The following CYTH3 variants were observed in gnomAD, a reference collection of about 807,000 sequenced individuals.
CYTH3 encodes the protein cytohesin-3.
In CYTH3, 23 loss-of-function variants were observed where a neutral mutation model predicts 55.1. That is an observed-to-expected ratio of 0.42 (90% CI 0.30 to 0.59). The LOEUF (loss-of-function observed/expected upper bound fraction) is 0.59, where lower values mean the gene tolerates loss of function less well. Ranked by LOEUF, CYTH3 falls within the 20% of genes least tolerant of loss-of-function variation. The pLI, the probability that CYTH3 is intolerant of heterozygous loss-of-function variation, is 0.20. For synonymous variants in CYTH3, 249 were observed against 194.9 expected, an observed-to-expected ratio of 1.28 and a Z score of -2.31; for missense variants, 413 against 524.8, an observed-to-expected ratio of 0.79 and a Z score of 2.08.
At chr7:6,266,385 A>T (rs1297203147) in intron 1 of CYTH3, among the ~76,000 whole-genome samples, 1 of 152,210 alleles carries the variant, frequency 6.6e-6, no homozygotes, top group Non-Finnish European at 1.5e-5. Flanking sequence ...ATAAATTAAG[A>T]CGCAGAAAGT....
In CYTH3 at chr7:6,179,267, G is replaced by A. The variant is rs940739159; in HGVS notation, c.250-1326C>T. Among the ~76,000 whole-genome samples the A allele has an allele frequency of 2.6e-5, 4 of 152,148 alleles. No individual in the cohort carries two copies. In the East Asian group the frequency reaches 5.8e-4, roughly 22 times the overall value. ...ATATGGAGCAAAAGACGACACGGAA[G>A]AGTATTTCAGTTCCATTCACAGAAG... On this transcript the variant is annotated intron_variant, in intron 4 of 12. Transcript: ENST00000350796.
intron 2 of CYTH3, among the ~76,000 whole-genome samples, chr7:6,190,164 C>T (rs572908386): frequency 8.5e-5 from 13 of 152,308 alleles, no homozygotes; most frequent in African/African-American, 2.6e-4. Context: ...GCCTGTGGCC[C>T]TGGGTTTGCG....
chr7:6,230,222 G>A (rs1429030504), intron 1 of CYTH3, among the ~76,000 whole-genome samples: 4 of 152,196 alleles, frequency 2.6e-5, no homozygotes, highest in Non-Finnish European at 4.4e-5. Context: ...CAGTCCGAAT[G>A]GAAAGTGATG....
chr7:6,272,539 G>A lies in CYTH3; in HGVS notation c.-32C>T. On this transcript the variant is annotated 5_prime_UTR_variant, in exon 1 of 13. Coordinates refer to ENST00000350796, the MANE Select transcript of CYTH3 (RefSeq NM_004227.4). ...GCCACTCCCGCAGCCGGCGAGCCGG[G>A]GGCCGGCAGCAGAGGGGCCGCGGGC... 3.8e-6 allele frequency: 5 copies of A among 1,311,776 alleles called. No homozygotes were observed. The highest frequency in any genetic ancestry group is 4.9e-6 in the Non-Finnish European group (5 of 1,018,110). 81.3% of individuals were successfully genotyped at this position (1,311,776 alleles called of 1,614,324 possible). A position where few individuals can be genotyped will look rare whatever the true frequency, so the allele number is the denominator to read the frequency against.
At position 6,196,062 on chromosome 7, in the gene CYTH3, C is replaced by T. The variant is rs566193782; in HGVS notation, c.35-5531G>A. 3.9e-5 allele frequency among the ~76,000 whole-genome samples: 6 copies of T among 152,284 alleles called. No individual in the cohort carries two copies. The East Asian group carries it at 9.6e-4, about 24-fold the overall frequency. ...AAGTCTGTCTCTTTCTCGCTCTAGGCTTCCCCCAGCAACTGAAACTACATG... is the reference window on the plus strand; with the variant it reads ...AAGTCTGTCTCTTTCTCGCTCTAGGTTTCCCCCAGCAACTGAAACTACATG... On this transcript the variant is annotated intron_variant, in intron 1 of 12. Transcript: ENST00000350796.
At chr7:6,202,690 C>A (rs1225956475) in intron 1 of CYTH3, among the ~76,000 whole-genome samples, 1 of 151,918 alleles carries the variant, frequency 6.6e-6, no homozygotes, top group Non-Finnish European at 1.5e-5. Context: ...AACTCCCGAC[C>A]TGAGGTGATC....
intron 2 of CYTH3, 146 bp from the exon 3 acceptor site, chr7:6,187,867 A>G (rs984069983): frequency 1.3e-5 from 9 of 693,636 alleles, no homozygotes; most frequent in Admixed American, 1.1e-4. Context: ...TATTATCAAT[A>G]CAGCTAGAGC....
chr7:6,229,970 A>G (rs1333225658), intron 1 of CYTH3, among the ~76,000 whole-genome samples: 4 of 152,044 alleles, frequency 2.6e-5, no homozygotes, highest in African/African-American at 9.7e-5. Flanking sequence ...ACCTGTCTCC[A>G]CTAAAAATAC....
intron 1 of CYTH3, among the ~76,000 whole-genome samples, chr7:6,248,240 C>A (rs548925057): frequency 2.7e-4 from 40 of 150,162 alleles, no homozygotes; most frequent in African/African-American, 3.7e-4. Context: ...CCCAACCCCC[C>A]CCCAGCCAAA....
At chr7:6,174,700 A>T (rs1026228673) in intron 5 of CYTH3, among the ~76,000 whole-genome samples, 2 of 152,014 alleles carry the variant, frequency 1.3e-5, no homozygotes, top group Admixed American at 1.3e-4. Context: ...GGCACCCGCC[A>T]GCACGCCTGG....
chr7:6,218,210 G>A (rs1013660109), intron 1 of CYTH3, among the ~76,000 whole-genome samples: 1 of 152,086 alleles, frequency 6.6e-6, no homozygotes, highest in African/African-American at 2.4e-5. Flanking sequence ...CAATGGAGAT[G>A]ATTATCCTGG....
At chr7:6,222,684 T>C (rs990739022) in intron 1 of CYTH3, among the ~76,000 whole-genome samples, 4 of 150,706 alleles carry the variant, frequency 2.7e-5, no homozygotes, top group Admixed American at 6.6e-5. Flanking sequence ...GAGGCAGAGG[T>C]TGCGGTGAGC....
intron 1 of CYTH3, among the ~76,000 whole-genome samples, chr7:6,252,714 A>G (rs10255944): frequency 0.051 from 7,818 of 152,284 alleles, 455 homozygotes; most frequent in African/African-American, 0.13. Flanking sequence ...AGGGAAGAAG[A>G]AAAAGATGCA....
intron 3 of CYTH3, 74 bp downstream of exon 3, chr7:6,187,583 C>G (rs1783686957): frequency 7.4e-7 from 1 of 1,350,508 alleles, no homozygotes; most frequent in African/African-American, 1.4e-5. Context: ...ACCCCACTTT[C>G]TGCAAGTTTG....
intron 1 of CYTH3, among the ~76,000 whole-genome samples, chr7:6,209,605 C>CCT (rs761583180): frequency 6.6e-6 from 1 of 152,146 alleles, no homozygotes; most frequent in Non-Finnish European, 1.5e-5. Flanking sequence ...CAGCAACTGC[C>CCT]CTCCTTGGAA....
intron 1 of CYTH3, among the ~76,000 whole-genome samples, chr7:6,196,587 G>A (rs1263020250): frequency 6.7e-6 from 1 of 149,702 alleles, no homozygotes; most frequent in Non-Finnish European, 1.5e-5. Flanking sequence ...AGCCTCACAA[G>A]TAGCTGGGAT....
intron 1 of CYTH3, among the ~76,000 whole-genome samples, chr7:6,195,359 A>C (rs574504155): frequency 5.0e-4 from 76 of 152,366 alleles, no homozygotes; most frequent in Non-Finnish European, 9.6e-4. Flanking sequence ...AATATGCTTC[A>C]CAAAGATACA....
At chr7:6,183,914 C>T (rs1162705840) in intron 4 of CYTH3, among the ~76,000 whole-genome samples, 1 of 152,046 alleles carries the variant, frequency 6.6e-6, no homozygotes, top group Non-Finnish European at 1.5e-5. Flanking sequence ...GAGGATACAG[C>T]AAGAAGGCGG....
intron 1 of CYTH3, among the ~76,000 whole-genome samples, chr7:6,200,174 C>T (rs1784026249): frequency 6.6e-6 from 1 of 152,308 alleles, no homozygotes; most frequent in Admixed American, 6.5e-5. Context: ...CAAGTTGATT[C>T]AGTACTTTCT....
Sources: gnomAD v4.1 joint callset for allele counts (sites outside exome capture counted in the v4.1 genomes callset) on GRCh38, gnomAD v4.1.1 for gene constraint, MANE v1.5 for transcripts, NCBI Gene and HGNC (gene_info 2026-07-23, HGNC 2026-07-21) for gene names.